NRXN1: variants seen among roughly 807,000 people sequenced by gnomAD.
NRXN1 encodes the protein neurexin-1.
NRXN1 carries 39 observed loss-of-function variants against 150.9 expected under a neutral mutation model. The observed-to-expected ratio is 0.26, with a 90% CI of 0.20 to 0.34. The LOEUF is 0.34. Among genes scored for constraint, NRXN1 ranks in the 10% least tolerant of loss-of-function variants. The pLI is 1.00. For missense variants in NRXN1, 1,815 were observed against 1,949.9 expected (o/e 0.93, Z 1.30); for synonymous variants, 924 against 757.0 (o/e 1.22, Z -3.62).
At chr2:50,416,612 T>C (rs1483271258) in intron 17 of NRXN1, among the ~76,000 whole-genome samples, 5 of 152,140 alleles carry the variant, frequency 3.3e-5, no homozygotes, top group African/African-American at 4.8e-5. Context: ...AGAGGTTTAA[T>C]TGACTCACAG....
At chr2:50,852,328 A>G (rs1462525853) in intron 5 of NRXN1, among the ~76,000 whole-genome samples, 2 of 152,210 alleles carry the variant, frequency 1.3e-5, no homozygotes, top group African/African-American at 2.4e-5. Flanking sequence ...AACTTTAAGC[A>G]AGAATGAAAA....
At chr2:50,853,848 C>T (rs990017213) in intron 5 of NRXN1, among the ~76,000 whole-genome samples, 1 of 152,006 alleles carries the variant, frequency 6.6e-6, no homozygotes, top group Non-Finnish European at 1.5e-5. Context: ...ATGAGAAATT[C>T]TCATAATTAA....
intron 5 of NRXN1, among the ~76,000 whole-genome samples, chr2:50,629,398 T>C (rs1681818660): frequency 6.6e-6 from 1 of 151,594 alleles, no homozygotes; most frequent in African/African-American, 2.4e-5. Flanking sequence ...TCCATTTATA[T>C]AAAAAATTTA....
Position 50,029,101 on chromosome 2 carries a change from G to A in NRXN1, c.4128+24170C>T, listed in dbSNP as rs1024503271. On this transcript the variant is annotated intron_variant, in intron 21 of 22. Transcript: ENST00000401669. ...TAGGTGTTGAGGATGGAGGCTTCAT[G>A]AATGGAATTAGTGCCTTTATAAGAG... Among the ~76,000 whole-genome samples, 3 of 152,186 alleles carry A rather than the reference G, an allele frequency of 2.0e-5. No homozygotes were observed. In the South Asian group the frequency reaches 6.2e-4, roughly 32 times the overall value.
At chr2:50,213,703 TTCAAAGAATCTTG>T (rs2063191876) in intron 18 of NRXN1, among the ~76,000 whole-genome samples, 2 of 113,954 alleles carry the variant, frequency 1.8e-5, no homozygotes, top group South Asian at 3.0e-4. Context: ...TAGCTAGTGG[TTCAAAGAATCTTG>T]TTTGGACTCC....
At chr2:50,201,615 G>T (rs939353324) in intron 18 of NRXN1, among the ~76,000 whole-genome samples, 5 of 152,124 alleles carry the variant, frequency 3.3e-5, no homozygotes, top group Admixed American at 1.3e-4. Context: ...GTTTTATTAG[G>T]AAAAGAAGGT....
intron 2 of NRXN1, among the ~76,000 whole-genome samples, chr2:50,942,442 G>A (rs115126709): frequency 0.024 from 3,660 of 152,188 alleles, 50 homozygotes; most frequent in Non-Finnish European, 0.036. Context: ...AAGGCTGCAG[G>A]CACTTAACAC....
At chr2:50,576,357 T>C (rs1671434276) in intron 8 of NRXN1, among the ~76,000 whole-genome samples, 1 of 152,168 alleles carries the variant, frequency 6.6e-6, no homozygotes, top group South Asian at 2.1e-4. Context: ...TTGGCATTTT[T>C]GACAGTGTCA....
chr2:50,496,227 T>C (rs2091611788), intron 14 of NRXN1, 132 bp from the exon 15 acceptor site: 2 of 606,450 alleles, frequency 3.3e-6, no homozygotes, highest in South Asian at 2.6e-5. Context: ...ATAAGTTACA[T>C]AGAAACTCAG....
intron 17 of NRXN1, among the ~76,000 whole-genome samples, chr2:50,383,318 C>T (rs921590613): frequency 2.0e-5 from 3 of 152,056 alleles, no homozygotes; most frequent in African/African-American, 7.2e-5. Flanking sequence ...CATTCAGATT[C>T]ACCATCATCA....
intron 2 of NRXN1, among the ~76,000 whole-genome samples, chr2:51,002,114 T>A (rs551889472): frequency 5.3e-5 from 8 of 152,164 alleles, no homozygotes; most frequent in African/African-American, 1.9e-4. Context: ...TTAACTATTT[T>A]TTCAGGTCTT....
intron 8 of NRXN1, among the ~76,000 whole-genome samples, chr2:50,574,195 G>A (rs1478360085): frequency 6.6e-6 from 1 of 152,006 alleles, no homozygotes; most frequent in African/African-American, 2.4e-5. Flanking sequence ...GACACCCTAT[G>A]CATATAAAAA....
chr2:50,740,942 A>C (rs1255667422), intron 5 of NRXN1, among the ~76,000 whole-genome samples: 1 of 152,140 alleles, frequency 6.6e-6, no homozygotes, highest in Non-Finnish European at 1.5e-5. Flanking sequence ...TAACAAAGGA[A>C]ACAATTAGAT....
At chr2:50,277,216 C>T (rs550538248) in intron 17 of NRXN1, among the ~76,000 whole-genome samples, 4 of 152,208 alleles carry the variant, frequency 2.6e-5, no homozygotes, top group Admixed American at 1.3e-4. Context: ...AAACAACAGT[C>T]GCCTGTTAAG....
chr2:50,898,609 T>C (rs1447937279), intron 5 of NRXN1: 9 of 486,932 alleles, frequency 1.8e-5, no homozygotes, highest in Non-Finnish European at 3.7e-5. Flanking sequence ...TTTGCTGTAA[T>C]ATTCTATGAG....
intron 2 of NRXN1, among the ~76,000 whole-genome samples, chr2:51,003,117 T>C (rs527746097): frequency 4.3e-4 from 65 of 152,004 alleles, no homozygotes; most frequent in African/African-American, 1.4e-3. Context: ...TTCTACTCAT[T>C]TGAGCATCTT....
intron 5 of NRXN1, among the ~76,000 whole-genome samples, chr2:50,718,082 A>C (rs1696096956): frequency 1.3e-5 from 2 of 152,164 alleles, no homozygotes. Context: ...CCTGGTGTCC[A>C]TAACGTCAGC....
intron 21 of NRXN1, chr2:49,966,475 A>G (rs1191896502): frequency 1.3e-5 from 2 of 152,042 alleles, no homozygotes; most frequent in East Asian, 3.9e-4. Context: ...CAACAAAATG[A>G]AAAGCAGCCT....
chr2:50,450,905 C>CT (rs1481237979), intron 17 of NRXN1, among the ~76,000 whole-genome samples: 1 of 152,156 alleles, frequency 6.6e-6, no homozygotes, highest in Non-Finnish European at 1.5e-5. Context: ...TAGCAAATAT[C>CT]TTTTTTCCTT....
Sources: allele counts gnomAD v4.1 joint callset (sites outside exome capture counted in the v4.1 genomes callset), GRCh38; gene constraint gnomAD v4.1.1; transcripts MANE v1.5; gene names NCBI Gene and HGNC (gene_info 2026-07-23, HGNC 2026-07-21).